Variants in ADK observed in about 807,000 individuals in gnomAD.
ADK encodes the protein adenosine kinase, also known as N6,N6-dimethyladenosine kinase.
Under a neutral mutation model 44.7 loss-of-function variants are expected in ADK, and 24 were observed. The observed-to-expected ratio is 0.54, with a 90% CI of 0.39 to 0.76. The LOEUF (loss-of-function observed/expected upper bound fraction) is 0.76, where lower values mean the gene tolerates loss of function less well. Ranked by LOEUF, ADK falls within the 30% of genes least tolerant of loss-of-function variation. The pLI is 0.00. For missense variants in ADK, 321 were observed against 425.1 expected (o/e 0.76, Z 2.15); for synonymous variants, 128 against 142.6 (o/e 0.90, Z 0.73).
At chr10:74,241,389 A>G (rs113581926) in intron 3 of ADK, among the ~76,000 whole-genome samples, 424 of 152,210 alleles carry the variant, frequency 2.8e-3, no homozygotes, top group Non-Finnish European at 4.4e-3. Context: ...AAATAAAACT[A>G]TTTTTTGGGG....
chr10:74,318,291 C>G (rs531173808), intron 4 of ADK, among the ~76,000 whole-genome samples: 1 of 152,126 alleles, frequency 6.6e-6, no homozygotes, highest in Admixed American at 6.6e-5. Flanking sequence ...TCTCCACCTC[C>G]ATCTCCTAGG....
At chr10:74,639,228 A>C (rs1264977751) in intron 9 of ADK, among the ~76,000 whole-genome samples, 1 of 152,192 alleles carries the variant, frequency 6.6e-6, no homozygotes, top group African/African-American at 2.4e-5. Flanking sequence ...TTTTAAAAGA[A>C]TTGTTATTTG....
chr10:74,708,419 T>G lies in ADK; in HGVS notation c.1063T>G (p.Phe355Val). The stretch of plus-strand genomic sequence containing the variant: ...CATAATTAGACGGACTGGCTGCACC[T>G]TTCCTGAGAAGCCAGACTTCCACTG... ...SIIIRRTGCT[F>V]PEKPDFH Residue 355 changes from phenylalanine to valine, a missense_variant, in exon 11 of 11, where the codon TTT becomes GTT. Physicochemically the swap from Phe to Val is conservative, Grantham distance 50. Transcript: ENST00000539909. 6.2e-7 allele frequency: 1 copy of G among 1,612,260 alleles called. No homozygotes were observed. The highest frequency in any genetic ancestry group is 1.7e-5 in the Admixed American group (1 of 59,980).
At chr10:74,310,955 A>G (rs16931341) in intron 3 of ADK, among the ~76,000 whole-genome samples, 4,081 of 151,886 alleles carry the variant, frequency 0.027, 167 homozygotes, top group African/African-American at 0.082. Context: ...GCTTTGTTCT[A>G]TATATGGTTC....
chr10:74,156,098 G>C (rs1321290337), intron 1 of ADK, among the ~76,000 whole-genome samples: 5 of 152,146 alleles, frequency 3.3e-5, no homozygotes, highest in Non-Finnish European at 7.3e-5. Context: ...GGGTGGTAGA[G>C]AGAGCCAGAG....
rs373433203 is a variant in ADK, at chr10:74,245,170, T to C, written c.194+20579T>C. Among the ~76,000 whole-genome samples, 47 of 152,334 alleles carry C rather than the reference T, an allele frequency of 3.1e-4. 2 individuals carry two copies. The highest frequency in any genetic ancestry group is 1.1e-3 in the African/African-American group (46 of 41,568). The stretch of plus-strand genomic sequence containing the variant: ...AATTTTTCTTCTGGAAGGGTACATG[T>C]ATAACTTTCAATTTAATGTTCAATT... On this transcript the variant is annotated intron_variant, in intron 3 of 10. Transcript: ENST00000539909.
intron 7 of ADK, among the ~76,000 whole-genome samples, chr10:74,554,192 T>C (rs1460325950): frequency 6.6e-6 from 1 of 152,196 alleles, no homozygotes; most frequent in African/African-American, 2.4e-5. Context: ...ATTAATGTAC[T>C]CTTTTTCCCT....
chr10:74,623,486 T>G (rs971268836), intron 9 of ADK, among the ~76,000 whole-genome samples: 2 of 152,124 alleles, frequency 1.3e-5, no homozygotes, highest in Admixed American at 1.3e-4. Flanking sequence ...AGTCCGTACT[T>G]GCTTAACTGT....
chr10:74,339,017 A>G (rs531059150), intron 4 of ADK, among the ~76,000 whole-genome samples: 20 of 152,336 alleles, frequency 1.3e-4, no homozygotes, highest in African/African-American at 4.1e-4. Context: ...CAGTGGCACA[A>G]TCATAGCTCA....
chr10:74,397,624 A>G (rs934567896), intron 5 of ADK, among the ~76,000 whole-genome samples: 2 of 152,002 alleles, frequency 1.3e-5, no homozygotes, highest in Non-Finnish European at 2.9e-5. Flanking sequence ...TGCAGCCTCA[A>G]ACTCCTGGGC....
intron 6 of ADK, among the ~76,000 whole-genome samples, chr10:74,516,552 C>T (rs1464447780): frequency 1.4e-5 from 2 of 147,378 alleles, no homozygotes; most frequent in African/African-American, 2.5e-5. Context: ...GAGATGGAGT[C>T]GCGCCCTGTT....
At chr10:74,397,165 A>G (rs900697034) in intron 5 of ADK, among the ~76,000 whole-genome samples, 6 of 151,998 alleles carry the variant, frequency 3.9e-5, no homozygotes, top group African/African-American at 1.2e-4. Flanking sequence ...TAAGTTTGTA[A>G]TATAGTTATT....
intron 2 of ADK, among the ~76,000 whole-genome samples, chr10:74,209,040 A>G (rs1843709383): frequency 6.6e-6 from 1 of 152,122 alleles, no homozygotes; most frequent in Admixed American, 6.6e-5. Context: ...CCCAGCATAG[A>G]TAAGTGGTAT....
At chr10:74,196,315 G>A (rs142612410) in intron 1 of ADK, among the ~76,000 whole-genome samples, 7 of 151,954 alleles carry the variant, frequency 4.6e-5, no homozygotes, top group African/African-American at 1.2e-4. Context: ...GCCAAGGAGG[G>A]CAGATCACGA....
intron 1 of ADK, among the ~76,000 whole-genome samples, chr10:74,153,978 A>T (rs1437179075): frequency 6.6e-6 from 1 of 152,218 alleles, no homozygotes; most frequent in African/African-American, 2.4e-5. Flanking sequence ...AGGCACAGGT[A>T]CCATCCTCTT....
At chr10:74,685,563 C>G (rs920692165) in intron 10 of ADK, among the ~76,000 whole-genome samples, 8 of 152,162 alleles carry the variant, frequency 5.3e-5, no homozygotes, top group African/African-American at 1.4e-4. Flanking sequence ...GCTTGCTCTT[C>G]TAATTTTTCT....
chr10:74,422,173 A>T (rs1844577477), intron 6 of ADK, among the ~76,000 whole-genome samples: 3 of 152,200 alleles, frequency 2.0e-5, no homozygotes. Flanking sequence ...AGTCATGCTG[A>T]TGTGAAGAGG....
At chr10:74,528,107 C>G in intron 7 of ADK, 1 of 1,100,128 alleles carries the variant, frequency 9.1e-7, no homozygotes, top group Non-Finnish European at 1.4e-6. Context: ...TGTCCATGAT[C>G]CTTATCAGAA....
Position 74,211,693 on chromosome 10 carries a change from A to G in ADK, c.140+10855A>G, listed in dbSNP as rs573426554. ...ATCCAACATGGTAACCACTAGTCAC[A>G]TTTGGCTTTGATCATTTGAAGTGTG... On this transcript the variant is annotated intron_variant, in intron 2 of 10. Transcript: ENST00000539909. Among the ~76,000 whole-genome samples, 6 of 152,302 alleles carry G rather than the reference A, an allele frequency of 3.9e-5. No individual in the cohort carries two copies. In the East Asian group the frequency reaches 7.7e-4, roughly 20 times the overall value.
Sources: allele counts gnomAD v4.1 joint callset (sites outside exome capture counted in the v4.1 genomes callset), GRCh38; gene constraint gnomAD v4.1.1; transcripts MANE v1.5; gene names NCBI Gene and HGNC (gene_info 2026-07-23, HGNC 2026-07-21).